TPM1: variants seen among roughly 807,000 people sequenced by gnomAD.
TPM1 encodes tropomyosin 1.
TPM1 carries 24 observed loss-of-function variants against 42.9 expected under a neutral mutation model. The ratio of observed to expected loss-of-function variants is 0.56; its 90% CI spans 0.41 to 0.79. The LOEUF is 0.79. Ranked by LOEUF, TPM1 falls within the 30% of genes least tolerant of loss-of-function variation. TPM1 has a pLI of 0.00. For synonymous variants in TPM1, 136 were observed against 130.1 expected (o/e 1.05, Z -0.31); for missense variants, 158 against 351.8 (o/e 0.45, Z 4.41).
chr15:63,060,062 G>A, intron 4 of TPM1: 1 of 279,850 alleles, frequency 3.6e-6, no homozygotes, highest in Non-Finnish European at 7.1e-6. Flanking sequence ...AGATTGGGCA[G>A]CTTAGAGACC....
At chr15:63,062,339 G>A (rs367565542) in intron 7 of TPM1, 62 bp downstream of exon 7, 14 of 1,520,366 alleles carry the variant, frequency 9.2e-6, no homozygotes, top group Admixed American at 6.7e-5. Flanking sequence ...TCATGGAACC[G>A]GTCAGGGCCT....
At chr15:63,048,343 C>T (rs1037725340) in intron 2 of TPM1, 6 of 1,153,892 alleles carry the variant, frequency 5.2e-6, no homozygotes, top group Non-Finnish European at 6.8e-6. Flanking sequence ...GTCCCGGGAT[C>T]CACGGCGCGC....
chr15:63,056,918 G>A (rs552046495), intron 2 of TPM1, 67 bp from the exon 3 acceptor site: 3 of 1,609,634 alleles, frequency 1.9e-6, no homozygotes, highest in Non-Finnish European at 2.5e-6. Flanking sequence ...TGCAGTCCCA[G>A]CCATTTCCTG....
intron 9 of TPM1, chr15:63,065,622 T>G: frequency 1.0e-6 from 1 of 985,226 alleles, no homozygotes; most frequent in Non-Finnish European, 1.2e-6. Context: ...TATGATTAAA[T>G]ATTCTGAAAG....
At chr15:63,062,930 G>A (rs771712597) in intron 8 of TPM1, 15 of 1,445,632 alleles carry the variant, frequency 1.0e-5, no homozygotes, top group Non-Finnish European at 1.4e-5. Flanking sequence ...TGAGTGAGGT[G>A]CTTATTGGTG....
chr15:63,047,632 C>G (rs963105015), intron 2 of TPM1: 3 of 152,302 alleles, frequency 2.0e-5, no homozygotes, highest in African/African-American at 7.2e-5. Context: ...TGACTGTTTT[C>G]ATGGAAAGTG....
In TPM1 at chr15:63,059,975, G is replaced by A. The variant is rs1168766910; in HGVS notation, c.492+295G>A. The A allele has an allele frequency of 1.4e-5, 5 of 353,156 alleles. No individual in the cohort carries two copies. The East Asian group carries it at 3.7e-4, about 26-fold the overall frequency. The allele number at this position is 353,156 out of a possible 1,614,324, so 21.9% of individuals were successfully genotyped here. A position where few individuals can be genotyped will look rare whatever the true frequency, so the allele number is the denominator to read the frequency against. On this transcript the variant is annotated intron_variant, in intron 4 of 9. Coordinates refer to ENST00000403994, the MANE Select transcript of TPM1 (RefSeq NM_001018005.2). ...ATCTTTGGCCGGAAGGGAGAGTTGG[G>A]CCCTGTGTCTTGTGAAAGGAGGCTC...
intron 2 of TPM1, chr15:63,045,316 AAAAG>A (rs1204315932): frequency 6.6e-6 from 1 of 151,970 alleles, no homozygotes; most frequent in Non-Finnish European, 1.5e-5. Context: ...GGATCTGACA[AAAAG>A]AAATTTTCAG....
At chr15:63,061,630 A>AT in intron 5 of TPM1, 83 bp from the exon 6 acceptor site, 2 of 1,349,750 alleles carry the variant, frequency 1.5e-6, no homozygotes, top group Non-Finnish European at 2.1e-6. Context: ...CTCAGTTTTC[A>AT]TTTTTTCCCA....
chr15:63,053,518 G>C (rs1057013385), intron 2 of TPM1, among the ~76,000 whole-genome samples: 1 of 152,090 alleles, frequency 6.6e-6, no homozygotes, highest in East Asian at 1.9e-4. Context: ...CAGGGTCAGA[G>C]TTCCCTCCTG....
chr15:63,065,515 C>T (rs2036178857), intron 9 of TPM1: 2 of 985,266 alleles, frequency 2.0e-6, no homozygotes, highest in Non-Finnish European at 2.4e-6. Flanking sequence ...TCTCATCCCT[C>T]ATTTGTAAAT....
chr15:63,048,736 C>T (rs1324207691), intron 2 of TPM1: 1 of 1,527,908 alleles, frequency 6.5e-7, no homozygotes, highest in South Asian at 1.2e-5. Context: ...ACCCCGCAGC[C>T]CCCAGAGGCG....
At chr15:63,067,104 G>GTT (rs146808377), downstream of TPM1, among the ~76,000 whole-genome samples, 6 of 148,190 alleles carry the variant, frequency 4.0e-5, no homozygotes, top group East Asian at 5.9e-4. Flanking sequence ...TATTTCTCCT[G>GTT]TTTTTTTTTT....
intron 9 of TPM1, 138 bp downstream of exon 9, chr15:63,064,280 C>T: frequency 3.9e-6 from 6 of 1,531,866 alleles, no homozygotes; most frequent in Non-Finnish European, 5.3e-6. Context: ...CTAGAATAGT[C>T]ATTGTTTTTT....
intron 2 of TPM1, chr15:63,046,776 TA>T (rs1157950948): frequency 1.8e-4 from 27 of 152,736 alleles, no homozygotes; most frequent in African/African-American, 6.0e-4. Context: ...CAACCTTCTC[TA>T]AACATAATCA....
At chr15:63,056,201 G>C (rs923366621) in intron 2 of TPM1, 1 of 152,250 alleles carries the variant, frequency 6.6e-6, no homozygotes, top group African/African-American at 2.4e-5. Context: ...AAAGTGGCTT[G>C]AAGGAAAGAG....
At chr15:63,043,378 G>T in intron 1 of TPM1, 1 of 585,966 alleles carries the variant, frequency 1.7e-6, no homozygotes, top group Non-Finnish European at 3.2e-6. Context: ...GGGAGTCCTG[G>T]AGTTGTTACC....
At chr15:63,068,984 TA>T (rs1265178967), downstream of TPM1, among the ~76,000 whole-genome samples, 1 of 102,578 alleles carries the variant, frequency 9.7e-6, no homozygotes, top group African/African-American at 3.1e-5. Flanking sequence ...CCATCTCTAC[TA>T]AAAAAAATAC....
downstream of TPM1, chr15:63,070,366 A>T (rs1566976915): frequency 1.3e-5 from 13 of 999,478 alleles, no homozygotes; most frequent in Non-Finnish European, 1.6e-5. Flanking sequence ...TAACTTCTAA[A>T]TATCTGGTAT....
Sources: allele counts gnomAD v4.1 joint callset (sites outside exome capture counted in the v4.1 genomes callset), GRCh38; gene constraint gnomAD v4.1.1; transcripts MANE v1.5; gene names NCBI Gene and HGNC (gene_info 2026-07-23, HGNC 2026-07-21).